The following GABRA3 variants were observed in gnomAD, a reference collection of about 807,000 sequenced individuals.
The protein encoded by GABRA3 is gamma-aminobutyric acid type A receptor subunit alpha3, also known as gamma-aminobutyric acid receptor subunit alpha-3.
A neutral mutation model predicts 30.1 loss-of-function variants in GABRA3; 10 were observed. The ratio of observed to expected loss-of-function variants is 0.33; its 90% CI spans 0.20 to 0.56. The LOEUF is 0.56. Among genes scored for constraint, GABRA3 ranks in the 20% least tolerant of loss-of-function variants. GABRA3 has a pLI of 0.89. For missense variants in GABRA3, 233 were observed against 392.0 expected (o/e 0.59, Z 3.42); for synonymous variants, 151 against 146.8 (o/e 1.03, Z -0.21).
intron 3 of GABRA3, among the ~76,000 whole-genome samples, chrX:152,334,594 C>A (rs982135106): frequency 1.8e-5 from 2 of 111,071 alleles, no homozygotes; most frequent in Non-Finnish European, 3.8e-5. Context: ...GGTCTGGCTA[C>A]GTTGCCCAGC....
intron 1 of GABRA3, among the ~76,000 whole-genome samples, chrX:152,376,129 C>T (rs894977704): frequency 8.9e-6 from 1 of 111,880 alleles, no homozygotes; most frequent in African/African-American, 3.2e-5. Context: ...TAGGGCAGCC[C>T]TAAACTAAGA....
At chrX:152,236,280 T>C (rs1167885518) in intron 5 of GABRA3, among the ~76,000 whole-genome samples, 4 of 106,255 alleles carry the variant, frequency 3.8e-5, no homozygotes, top group Non-Finnish European at 7.7e-5. Flanking sequence ...TTACTGATAA[T>C]GATGATTTCC....
intron 4 of GABRA3, among the ~76,000 whole-genome samples, chrX:152,269,680 T>C (rs940036506): frequency 9.0e-6 from 1 of 111,620 alleles, no homozygotes; most frequent in Non-Finnish European, 1.9e-5. Flanking sequence ...AACCCAGATA[T>C]AAATCCACAC....
chrX:152,325,134 G>T (rs1218018693), intron 3 of GABRA3, among the ~76,000 whole-genome samples: 4 of 111,157 alleles, frequency 3.6e-5, no homozygotes, highest in African/African-American at 1.3e-4. Context: ...TTTTCAAGCT[G>T]ATCTATGGAT....
chrX:152,430,876 G>C (rs1269257127), intron 1 of GABRA3, among the ~76,000 whole-genome samples: 1 of 110,149 alleles, frequency 9.1e-6, no homozygotes, highest in Non-Finnish European at 1.9e-5. Flanking sequence ...TATTAAAATA[G>C]TAGGAGGGAA....
chrX:152,426,600 T>C (rs1260797186), intron 1 of GABRA3, among the ~76,000 whole-genome samples: 1 of 111,675 alleles, frequency 9.0e-6, no homozygotes, highest in Admixed American at 9.5e-5. Context: ...AAAATCAGTT[T>C]CTCCAAACAG....
intron 5 of GABRA3, among the ~76,000 whole-genome samples, chrX:152,241,488 G>A (rs934695562): frequency 2.6e-4 from 28 of 107,165 alleles, no homozygotes; most frequent in Non-Finnish European, 4.3e-4. Flanking sequence ...CAGAGGTGGA[G>A]CCTACAGAGG....
chrX:152,440,527 C>T (rs916833572), intron 1 of GABRA3, among the ~76,000 whole-genome samples: 4 of 112,030 alleles, frequency 3.6e-5, no homozygotes, highest in African/African-American at 1.3e-4. Context: ...GGGTATATAT[C>T]CAAAGGATTT....
intron 8 of GABRA3, among the ~76,000 whole-genome samples, chrX:152,191,434 G>A (rs1937324367): frequency 1.8e-5 from 2 of 109,456 alleles, no homozygotes; most frequent in South Asian, 8.1e-4. Flanking sequence ...CTGTCCCCCA[G>A]GATTTTGATA....
At chrX:152,270,010 A>C (rs1337208654) in intron 4 of GABRA3, among the ~76,000 whole-genome samples, 2 of 112,166 alleles carry the variant, frequency 1.8e-5, no homozygotes, top group African/African-American at 6.5e-5. Flanking sequence ...TCAAGTTCAA[A>C]AGCTTCTGCA....
At chrX:152,334,972 G>A (rs1294639684) in intron 3 of GABRA3, among the ~76,000 whole-genome samples, 2 of 111,340 alleles carry the variant, frequency 1.8e-5, no homozygotes, top group African/African-American at 6.5e-5. Context: ...GGTAAGGCAC[G>A]ACGTCAGCAT....
At chrX:152,207,878 A>T (rs974254750) in intron 7 of GABRA3, 123 bp downstream of exon 7, 46 of 682,882 alleles carry the variant, frequency 6.7e-5, no homozygotes, top group Non-Finnish European at 9.5e-5. Flanking sequence ...CAGTTTTCTC[A>T]TGATAATACT....
chrX:152,312,973 A>G (rs1210621783), intron 3 of GABRA3, among the ~76,000 whole-genome samples: 1 of 111,949 alleles, frequency 8.9e-6, no homozygotes, highest in Non-Finnish European at 1.9e-5. Context: ...TATACTGTAT[A>G]AGGTAAACTT....
intron 4 of GABRA3, among the ~76,000 whole-genome samples, chrX:152,265,094 C>T (rs1378939174): frequency 9.0e-6 from 1 of 111,305 alleles, no homozygotes; most frequent in African/African-American, 3.3e-5. Context: ...ATAGTCCAGA[C>T]AGACAATCAT....
At chrX:152,232,966 T>A (rs1222479991) in intron 5 of GABRA3, among the ~76,000 whole-genome samples, 1 of 111,146 alleles carries the variant, frequency 9.0e-6, no homozygotes, top group African/African-American at 3.3e-5. Flanking sequence ...TGCATCCTTG[T>A]CAACATCTGT....
chrX:152,306,517 G>C (rs1939723231), intron 3 of GABRA3, among the ~76,000 whole-genome samples: 1 of 111,836 alleles, frequency 8.9e-6, no homozygotes, highest in African/African-American at 3.2e-5. Flanking sequence ...TTAATGTGTT[G>C]CAAGTGAGAT....
chrX:152,436,102 C>A (rs1013694417), intron 1 of GABRA3, among the ~76,000 whole-genome samples: 4 of 111,046 alleles, frequency 3.6e-5, no homozygotes, highest in African/African-American at 1.3e-4. Flanking sequence ...CCCAAATTGA[C>A]CTAAAGATTT....
At chrX:152,399,564 C>T (rs1178089111) in intron 1 of GABRA3, among the ~76,000 whole-genome samples, 1 of 111,386 alleles carries the variant, frequency 9.0e-6, no homozygotes, top group Non-Finnish European at 1.9e-5. Context: ...GAAATAAAAC[C>T]AGAGAGGTAA....
At chrX:152,256,526 A>G (rs1172965820) in intron 4 of GABRA3, among the ~76,000 whole-genome samples, 1 of 112,204 alleles carries the variant, frequency 8.9e-6, no homozygotes, top group African/African-American at 3.2e-5. Context: ...AAGATAAAAA[A>G]CATACCTTAT....
Sources: gnomAD v4.1 joint callset for allele counts (sites outside exome capture counted in the v4.1 genomes callset) on GRCh38, gnomAD v4.1.1 for gene constraint, MANE v1.5 for transcripts, NCBI Gene and HGNC (gene_info 2026-07-23, HGNC 2026-07-21) for gene names.